The following LRMDA variants were observed in gnomAD, a reference collection of about 807,000 sequenced individuals.
The protein encoded by LRMDA is leucine rich melanocyte differentiation associated.
LRMDA carries 18 observed loss-of-function variants against 29.8 expected under a neutral mutation model. The ratio of observed to expected loss-of-function variants is 0.60; its 90% CI spans 0.42 to 0.90. The LOEUF (loss-of-function observed/expected upper bound fraction) is 0.90, where lower values mean the gene tolerates loss of function less well. Among genes scored for constraint, LRMDA ranks in the 40% least tolerant of loss-of-function variants. LRMDA has a pLI of 0.00. For synonymous variants in LRMDA, 125 were observed against 109.4 expected (o/e 1.14, Z -0.89); for missense variants, 273 against 273.9 (o/e 1.00, Z 0.02).
chr10:75,616,218 A>G (rs756566091), intron 2 of LRMDA, among the ~76,000 whole-genome samples: 2 of 148,362 alleles, frequency 1.3e-5, no homozygotes, highest in African/African-American at 2.6e-5. Context: ...ATTCACTACC[A>G]TGAGAACAGT....
At chr10:76,053,520 A>G (rs1224602203) in intron 4 of LRMDA, among the ~76,000 whole-genome samples, 1 of 128,206 alleles carries the variant, frequency 7.8e-6, no homozygotes, top group African/African-American at 2.6e-5. Context: ...TTTATGGCAA[A>G]CTTGTATTAC....
At chr10:76,212,246 C>CACAA (rs1851648420) in intron 5 of LRMDA, among the ~76,000 whole-genome samples, 1 of 148,692 alleles carries the variant, frequency 6.7e-6, no homozygotes, top group Admixed American at 6.7e-5. Flanking sequence ...AACACACACA[C>CACAA]ACACACACAC....
At chr10:76,413,710 T>C (rs1202533402) in intron 6 of LRMDA, among the ~76,000 whole-genome samples, 1 of 152,212 alleles carries the variant, frequency 6.6e-6, no homozygotes, top group African/African-American at 2.4e-5. Flanking sequence ...ATGGTGTTCC[T>C]TTTTAGAAGA....
chr10:76,312,214 T>C (rs1363087483), intron 5 of LRMDA, among the ~76,000 whole-genome samples: 1 of 152,248 alleles, frequency 6.6e-6, no homozygotes, highest in African/African-American at 2.4e-5. Flanking sequence ...TGATTGCATG[T>C]GACAGTGTCT....
chr10:76,177,030 A>G (rs146634997), intron 5 of LRMDA, among the ~76,000 whole-genome samples: 164 of 152,272 alleles, frequency 1.1e-3, no homozygotes, highest in African/African-American at 3.8e-3. Flanking sequence ...TGGGCACCCA[A>G]TGGTGTGTTG....
At chr10:76,232,775 A>G (rs1301502880) in intron 5 of LRMDA, among the ~76,000 whole-genome samples, 3 of 152,200 alleles carry the variant, frequency 2.0e-5, no homozygotes, top group Admixed American at 6.5e-5. Flanking sequence ...GTGATGAAAC[A>G]GCTTTCAGTG....
chr10:75,581,999 A>T (rs1392904664), intron 2 of LRMDA, among the ~76,000 whole-genome samples: 1 of 152,216 alleles, frequency 6.6e-6, no homozygotes, highest in Non-Finnish European at 1.5e-5. Context: ...GGACACACTG[A>T]TGTGAGGGGT....
chr10:76,056,812 TGCAGCTGCAGCTGG>T (rs1166509304), intron 4 of LRMDA, among the ~76,000 whole-genome samples: 2 of 152,304 alleles, frequency 1.3e-5, no homozygotes, highest in African/African-American at 4.8e-5. Flanking sequence ...TGCCTGGGTC[TGCAGCTGCAGCTGG>T]GCAGCTGCAG....
chr10:76,417,209 T>G (rs921426823), intron 6 of LRMDA, among the ~76,000 whole-genome samples: 1 of 152,176 alleles, frequency 6.6e-6, no homozygotes, highest in Non-Finnish European at 1.5e-5. Flanking sequence ...GATTCCTCTC[T>G]AGATCATTCT....
At chr10:75,532,919 T>A (rs536712839) in intron 2 of LRMDA, among the ~76,000 whole-genome samples, 1 of 152,266 alleles carries the variant, frequency 6.6e-6, no homozygotes, top group South Asian at 2.1e-4. Flanking sequence ...TGTAAGCAAT[T>A]AAAAGATGTT....
At chr10:76,291,661 A>AT (rs948208024) in intron 5 of LRMDA, among the ~76,000 whole-genome samples, 90 of 150,478 alleles carry the variant, frequency 6.0e-4, no homozygotes, top group Admixed American at 9.3e-4. Flanking sequence ...CCTTGGTAGG[A>AT]TTTTTTTTTT....
intron 5 of LRMDA, among the ~76,000 whole-genome samples, chr10:76,316,804 C>T (rs1840705556): frequency 6.6e-6 from 1 of 152,292 alleles, no homozygotes; most frequent in South Asian, 2.1e-4. Context: ...TAGCAGCAAA[C>T]TATTAATTTG....
At chr10:75,787,441 C>A (rs1230917214) in intron 2 of LRMDA, among the ~76,000 whole-genome samples, 1 of 152,092 alleles carries the variant, frequency 6.6e-6, no homozygotes, top group Non-Finnish European at 1.5e-5. Context: ...GACCAGAAAT[C>A]TTTTTGGCAG....
At chr10:75,887,134 T>C (rs1845404300) in intron 2 of LRMDA, among the ~76,000 whole-genome samples, 2 of 150,548 alleles carry the variant, frequency 1.3e-5, no homozygotes, top group Admixed American at 1.3e-4. Flanking sequence ...TATATAAGTA[T>C]ATATACATTT....
At chr10:76,112,346 T>A (rs1849593660) in intron 5 of LRMDA, among the ~76,000 whole-genome samples, 1 of 152,142 alleles carries the variant, frequency 6.6e-6, no homozygotes, top group Non-Finnish European at 1.5e-5. Flanking sequence ...GCTCCCTGCT[T>A]ATCGCTAAGT....
At chr10:75,596,563 CAT>C (rs1275730188) in intron 2 of LRMDA, among the ~76,000 whole-genome samples, 2 of 151,804 alleles carry the variant, frequency 1.3e-5, no homozygotes, top group Non-Finnish European at 2.9e-5. Flanking sequence ...TTTAAAATGA[CAT>C]ATAATAATTG....
chr10:76,370,957 T>C (rs184370854), intron 6 of LRMDA, among the ~76,000 whole-genome samples: 1 of 152,286 alleles, frequency 6.6e-6, no homozygotes, highest in African/African-American at 2.4e-5. Context: ...TGTAAGTTTG[T>C]AAAACCACTG....
intron 6 of LRMDA, among the ~76,000 whole-genome samples, chr10:76,403,771 G>A (rs1841874123): frequency 6.6e-6 from 1 of 152,048 alleles, no homozygotes; most frequent in African/African-American, 2.4e-5. Context: ...CTCTCTGTGT[G>A]GCAAAAATGC....
At chr10:75,892,732 C>T (rs535087207) in intron 2 of LRMDA, among the ~76,000 whole-genome samples, 36 of 152,180 alleles carry the variant, frequency 2.4e-4, no homozygotes, top group Non-Finnish European at 4.9e-4. Flanking sequence ...AGGCCTCAGA[C>T]AAATTCCATG....
Sources: allele counts gnomAD v4.1 joint callset (sites outside exome capture counted in the v4.1 genomes callset), GRCh38; gene constraint gnomAD v4.1.1; transcripts MANE v1.5; gene names NCBI Gene and HGNC (gene_info 2026-07-23, HGNC 2026-07-21).